The following KCNH8 variants were observed in gnomAD, a reference collection of about 807,000 sequenced individuals.
KCNH8 encodes the protein potassium voltage-gated channel subfamily H member 8.
A neutral mutation model predicts 103.6 loss-of-function variants in KCNH8; 70 were observed. That is an observed-to-expected ratio of 0.68 (90% CI 0.56 to 0.82). The LOEUF (loss-of-function observed/expected upper bound fraction) is 0.82. Among genes scored for constraint, KCNH8 ranks in the 40% least tolerant of loss-of-function variants. The probability of loss-of-function intolerance (pLI) is 0.00; values close to 1 mark genes in which losing one functional copy is unlikely to be tolerated. For missense variants in KCNH8, 1,217 were observed against 1,329.9 expected, an observed-to-expected ratio of 0.92 and a Z score of 1.32; for synonymous variants, 498 against 489.4, an observed-to-expected ratio of 1.02 and a Z score of -0.23.
chr3:19,327,005 A>C (rs534724702), intron 3 of KCNH8, among the ~76,000 whole-genome samples: 2 of 152,192 alleles, frequency 1.3e-5, no homozygotes, highest in African/African-American at 4.8e-5. Context: ...ACTGGGGGTC[A>C]TTCCATTGTC....
At position 19,338,658 on chromosome 3, in the gene KCNH8, T is replaced by G. The variant is rs1030235302; in HGVS notation, c.443-3929T>G. On this transcript the variant is annotated intron_variant, in intron 3 of 15. Coordinates refer to ENST00000328405, the MANE Select transcript of KCNH8 (RefSeq NM_144633.3). ...CCTCTTGTGCAGCTGGTTGTAGTCA[T>G]GTGATTACATACAGTTTTACAGCAG... is the stretch of plus-strand genomic sequence containing the variant. Among the ~76,000 whole-genome samples the G allele has an allele frequency of 2.0e-5, 3 of 152,234 alleles. No homozygotes were observed. In the East Asian group the frequency reaches 5.8e-4, roughly 29 times the overall value.
intron 11 of KCNH8, among the ~76,000 whole-genome samples, chr3:19,462,203 T>C (rs2067645196): frequency 1.3e-5 from 2 of 152,196 alleles, no homozygotes; most frequent in Admixed American, 1.3e-4. Context: ...TTTAGATCCT[T>C]GAGGAATTGC....
At chr3:19,395,624 G>T (rs186767419) in intron 7 of KCNH8, among the ~76,000 whole-genome samples, 1 of 152,052 alleles carries the variant, frequency 6.6e-6, no homozygotes. Flanking sequence ...CCGATGCAGG[G>T]CTAGTAATAG....
At chr3:19,454,874 A>C (rs1347795183) in intron 10 of KCNH8, among the ~76,000 whole-genome samples, 1 of 152,136 alleles carries the variant, frequency 6.6e-6, no homozygotes, top group African/African-American at 2.4e-5. Context: ...AAACTCAACA[A>C]AGACAATAAA....
chr3:19,347,990 A>G (rs1272595897), intron 5 of KCNH8, 25 bp downstream of exon 5: 1 of 1,607,046 alleles, frequency 6.2e-7, no homozygotes, highest in African/African-American at 1.3e-5. Flanking sequence ...CTGCTTTCCT[A>G]CGATATTTGC....
intron 8 of KCNH8, among the ~76,000 whole-genome samples, chr3:19,443,411 CAT>C (rs770213837): frequency 6.7e-6 from 1 of 149,804 alleles, no homozygotes; most frequent in African/African-American, 2.4e-5. Flanking sequence ...CACACACACA[CAT>C]ATATATACAC....
At chr3:19,378,031 A>G (rs949866354) in intron 5 of KCNH8, among the ~76,000 whole-genome samples, 2 of 152,084 alleles carry the variant, frequency 1.3e-5, no homozygotes, top group Admixed American at 6.6e-5. Flanking sequence ...AGGGAGAGGT[A>G]TATGTGTTGA....
chr3:19,230,951 G>A (rs369152618), intron 1 of KCNH8, among the ~76,000 whole-genome samples: 4 of 151,980 alleles, frequency 2.6e-5, no homozygotes, highest in African/African-American at 4.8e-5. Flanking sequence ...TGTAAAATGC[G>A]TTCATCATCA....
intron 3 of KCNH8, among the ~76,000 whole-genome samples, chr3:19,297,858 A>G (rs557054617): frequency 2.0e-5 from 3 of 152,318 alleles, no homozygotes; most frequent in Non-Finnish European, 4.4e-5. Context: ...AAAGCTGCAG[A>G]TGCTTATCAA....
At chr3:19,382,839 T>C (rs1054377322) in intron 5 of KCNH8, among the ~76,000 whole-genome samples, 1 of 152,016 alleles carries the variant, frequency 6.6e-6, no homozygotes, top group Non-Finnish European at 1.5e-5. Flanking sequence ...AATGTCTCAG[T>C]GGGATATAGT....
chr3:19,331,172 G>C (rs772216237), intron 3 of KCNH8, among the ~76,000 whole-genome samples: 2 of 151,376 alleles, frequency 1.3e-5, no homozygotes, highest in Non-Finnish European at 2.9e-5. Context: ...CTGGCTTTCT[G>C]ACGTTGGTAA....
At chr3:19,392,187 C>A (rs548117047) in intron 6 of KCNH8, among the ~76,000 whole-genome samples, 1 of 150,742 alleles carries the variant, frequency 6.6e-6, no homozygotes, top group Non-Finnish European at 1.5e-5. Flanking sequence ...GCCTTAAAGT[C>A]TAATTCGCAT....
chr3:19,474,809 C>T (rs912904919), intron 11 of KCNH8, among the ~76,000 whole-genome samples: 25 of 152,062 alleles, frequency 1.6e-4, no homozygotes, highest in Non-Finnish European at 3.1e-4. Context: ...TAAACAGTCC[C>T]GAGTCTGATT....
intron 7 of KCNH8, among the ~76,000 whole-genome samples, chr3:19,423,573 A>G (rs771724332): frequency 2.0e-5 from 3 of 151,952 alleles, no homozygotes; most frequent in Non-Finnish European, 2.9e-5. Context: ...GTGGTCTCCA[A>G]TTCCATCCAG....
chr3:19,457,098 C>T (rs753734398), intron 11 of KCNH8, 116 bp downstream of exon 11: 14 of 607,228 alleles, frequency 2.3e-5, no homozygotes, highest in Admixed American at 1.5e-4. Context: ...ATATCTAAGA[C>T]GTGAATATTC....
intron 12 of KCNH8, among the ~76,000 whole-genome samples, chr3:19,511,386 G>T (rs998589560): frequency 6.6e-6 from 1 of 152,118 alleles, no homozygotes; most frequent in Non-Finnish European, 1.5e-5. Flanking sequence ...ACAAATACTT[G>T]ACAGGTTATT....
chr3:19,475,085 A>G (rs1287072939), intron 11 of KCNH8, among the ~76,000 whole-genome samples: 1 of 152,040 alleles, frequency 6.6e-6, no homozygotes, highest in Non-Finnish European at 1.5e-5. Flanking sequence ...CAACTAAACA[A>G]GCACAGTTTG....
At chr3:19,488,546 A>C (rs1033459602) in intron 11 of KCNH8, among the ~76,000 whole-genome samples, 1 of 152,234 alleles carries the variant, frequency 6.6e-6, no homozygotes, top group Non-Finnish European at 1.5e-5. Context: ...AGGAGTGTAC[A>C]TACGGTAAGC....
chr3:19,496,332 G>C (rs2068440425), intron 11 of KCNH8, among the ~76,000 whole-genome samples: 1 of 152,170 alleles, frequency 6.6e-6, no homozygotes, highest in Non-Finnish European at 1.5e-5. Flanking sequence ...CTGTGGATTT[G>C]TTATAGATGG....
Sources: allele counts gnomAD v4.1 joint callset (sites outside exome capture counted in the v4.1 genomes callset), GRCh38; gene constraint gnomAD v4.1.1; transcripts MANE v1.5; gene names NCBI Gene and HGNC (gene_info 2026-07-23, HGNC 2026-07-21).